The following USP25 variants were observed in gnomAD, a reference collection of about 807,000 sequenced individuals.
USP25 encodes ubiquitin specific peptidase 25, also known as ubiquitin carboxyl-terminal hydrolase 25.
A neutral mutation model predicts 158.5 loss-of-function variants in USP25; 85 were observed. The observed-to-expected ratio is 0.54, with a 90% CI of 0.45 to 0.64. USP25 has a LOEUF of 0.64. Among genes scored for constraint, USP25 ranks in the 30% least tolerant of loss-of-function variants. The pLI, the probability that USP25 is intolerant of heterozygous loss-of-function variation, is 0.00. For synonymous variants in USP25, 464 were observed against 460.4 expected (o/e 1.01, Z -0.10); for missense variants, 1,242 against 1,327.3 (o/e 0.94, Z 1.00).
chr21:15,865,480 T>A (rs1181974511), intron 21 of USP25, among the ~76,000 whole-genome samples: 1 of 152,148 alleles, frequency 6.6e-6, no homozygotes, highest in Non-Finnish European at 1.5e-5. Flanking sequence ...GTGAACAATA[T>A]CTGATAGGTG....
chr21:15,829,403 T>A (rs964040987), intron 14 of USP25, among the ~76,000 whole-genome samples: 1 of 152,218 alleles, frequency 6.6e-6, no homozygotes, highest in African/African-American at 2.4e-5. Flanking sequence ...TTTTGACGAC[T>A]GTTTTAAAAT....
chr21:15,778,437 A>T (rs1751370903), intron 4 of USP25, among the ~76,000 whole-genome samples: 1 of 152,260 alleles, frequency 6.6e-6, no homozygotes, highest in East Asian at 1.9e-4. Flanking sequence ...CTCTGGTGTC[A>T]TAACGCAAAA....
chr21:15,818,573 C>G (rs757959844), intron 9 of USP25, 125 bp from the exon 10 acceptor site: 7 of 790,634 alleles, frequency 8.9e-6, no homozygotes, highest in Non-Finnish European at 1.4e-5. Context: ...TTAACACTAA[C>G]ACTTCTCAGG....
intron 20 of USP25, among the ~76,000 whole-genome samples, chr21:15,855,709 A>C (rs1433746569): frequency 1.3e-5 from 2 of 152,156 alleles, no homozygotes; most frequent in Non-Finnish European, 2.9e-5. Context: ...TCAGACTTGT[A>C]CTTCCAACTC....
intron 5 of USP25, among the ~76,000 whole-genome samples, chr21:15,796,703 C>T (rs1172267037): frequency 1.3e-5 from 2 of 151,394 alleles, no homozygotes; most frequent in African/African-American, 4.8e-5. Flanking sequence ...TGACTCTAGT[C>T]TCCCTGCCTG....
chr21:15,804,764 A>G (rs1041215284), intron 6 of USP25, among the ~76,000 whole-genome samples: 4 of 152,136 alleles, frequency 2.6e-5, no homozygotes, highest in African/African-American at 9.6e-5. Flanking sequence ...GTTGGCTGTT[A>G]TTATTGCTCT....
chr21:15,878,373 C>G lies in USP25; in HGVS notation c.3276C>G (p.Phe1092Leu), dbSNP rs545115233. Residue 1092 changes from phenylalanine to leucine, a missense_variant, in exon 26 of 26, where the codon TTC becomes TTG. Phe to Leu is a conservative substitution (Grantham distance 22). This residue lies in a region of USP25 where 608 missense variants were observed against 605.2 expected (regional missense o/e 1.00). Coordinates refer to ENST00000400183, the MANE Select transcript of USP25 (RefSeq NM_001283041.3). ...ATTGTTCTATGGAGATTAAAAGTTT[C>G]CATGAGCCACCGAAGTTACCTTCAT... ...LLDCSMEIKSFHEPPKLPSYS... is the reference protein window; with the variant it reads ...LLDCSMEIKSLHEPPKLPSYS... 198 of 1,614,064 alleles carry G rather than the reference C, an allele frequency of 1.2e-4. 4 individuals are homozygous for G. The South Asian group carries it at 2.0e-3, about 16-fold the overall frequency.
intron 11 of USP25, among the ~76,000 whole-genome samples, 169 bp from the exon 12 acceptor site, chr21:15,824,797 G>T (rs920912353): frequency 1.3e-5 from 2 of 152,162 alleles, no homozygotes; most frequent in Admixed American, 6.5e-5. Flanking sequence ...TTGTATTTTA[G>T]TAGAGACGAG....
intron 23 of USP25, 64 bp from the exon 24 acceptor site, chr21:15,874,339 A>G (rs544018589): frequency 1.4e-5 from 19 of 1,392,146 alleles, no homozygotes; most frequent in Admixed American, 4.4e-5. Context: ...TTTCATAATT[A>G]TAGCTGACTT....
intron 20 of USP25, among the ~76,000 whole-genome samples, chr21:15,856,694 A>T (rs1051265490): frequency 6.6e-6 from 1 of 152,136 alleles, no homozygotes; most frequent in African/African-American, 2.4e-5. Flanking sequence ...GATGGTCTCG[A>T]TCTCCTGACC....
At chr21:15,736,068 G>C (rs991068557) in intron 1 of USP25, among the ~76,000 whole-genome samples, 1 of 149,922 alleles carries the variant, frequency 6.7e-6, no homozygotes, top group Non-Finnish European at 1.5e-5. Context: ...TTGTTTTGTC[G>C]TCAGTAGTGT....
In USP25 at chr21:15,827,131, A is replaced by G; in HGVS notation, c.1621A>G (p.Thr541Ala). The G allele has an allele frequency of 6.2e-7, 1 of 1,614,216 alleles. No individual in the cohort carries two copies. Among genetic ancestry groups the G allele is most frequent in the Non-Finnish European group, 8.5e-7 (1 of 1,180,026 alleles). The change falls in exon 14 of 26, where the codon ACG becomes GCG. Residue 541 changes from threonine (T) to alanine (A), a missense_variant. By Grantham distance (58) the Thr-to-Ala change is moderately conservative (BLOSUM62 0). Coordinates refer to ENST00000400183, the MANE Select transcript of USP25 (RefSeq NM_001283041.3). The stretch of plus-strand genomic sequence containing the variant: ...CATGCATCCGGCACCAAGGCACATA[A>G]CGGAGGAAGAACTTTCTGTGCTGGA... ...LPMHPAPRHITEEELSVLESC... is the reference protein window; with the variant it reads ...LPMHPAPRHIAEEELSVLESC...
At chr21:15,851,470 A>G (rs192526588) in intron 20 of USP25, among the ~76,000 whole-genome samples, 24 of 151,552 alleles carry the variant, frequency 1.6e-4, no homozygotes, top group African/African-American at 5.8e-4. Context: ...TGCGTCGCAT[A>G]CATACACTGA....
At chr21:15,793,485 GA>G (rs985716739) in intron 5 of USP25, among the ~76,000 whole-genome samples, 4 of 144,762 alleles carry the variant, frequency 2.8e-5, no homozygotes, top group Admixed American at 6.7e-5. Context: ...GAATGGGCTA[GA>G]AAAAAATTAT....
At chr21:15,805,355 T>C in intron 7 of USP25, 97 bp downstream of exon 7, 1 of 1,189,842 alleles carries the variant, frequency 8.4e-7, no homozygotes, top group Non-Finnish European at 1.1e-6. Flanking sequence ...TTGAGATGCA[T>C]GATTCTGCTT....
At chr21:15,741,555 T>C (rs1053378715) in intron 1 of USP25, among the ~76,000 whole-genome samples, 1 of 152,218 alleles carries the variant, frequency 6.6e-6, no homozygotes, top group African/African-American at 2.4e-5. Flanking sequence ...GTGTACCTCA[T>C]TGTGGTAGTA....
At chr21:15,865,637 T>C (rs1050629903) in intron 21 of USP25, among the ~76,000 whole-genome samples, 1 of 152,174 alleles carries the variant, frequency 6.6e-6, no homozygotes, top group Non-Finnish European at 1.5e-5. Context: ...CTGAGTTCCA[T>C]TGGATCTATG....
chr21:15,818,539 C>T (rs1044207390), intron 9 of USP25, among the ~76,000 whole-genome samples, 159 bp from the exon 10 acceptor site: 2 of 152,062 alleles, frequency 1.3e-5, no homozygotes, highest in African/African-American at 4.8e-5. Context: ...TACATTTGCA[C>T]ATGTGTATAA....
At chr21:15,812,474 C>T (rs185120118) in intron 9 of USP25, among the ~76,000 whole-genome samples, 66 of 152,120 alleles carry the variant, frequency 4.3e-4, no homozygotes, top group African/African-American at 1.2e-3. Context: ...CGGTGAAACC[C>T]TGTCTCTACT....
Sources: gnomAD v4.1 joint callset for allele counts (sites outside exome capture counted in the v4.1 genomes callset) on GRCh38, gnomAD v4.1.1 for gene constraint, gnomAD v4.1.1 regional missense constraint, MANE v1.5 for transcripts, NCBI Gene and HGNC (gene_info 2026-07-23, HGNC 2026-07-21) for gene names.